RSRC1: variants seen among roughly 807,000 people sequenced by gnomAD.
RSRC1 encodes arginine and serine rich coiled-coil 1.
RSRC1 carries 39 observed loss-of-function variants against 49.1 expected under a neutral mutation model. The observed-to-expected ratio is 0.79, with a 90% CI of 0.61 to 1.04. RSRC1 has a LOEUF of 1.04. Among genes scored for constraint, RSRC1 ranks in the 50% least tolerant of loss-of-function variants. The pLI is 0.00. For synonymous variants in RSRC1, 143 were observed against 130.8 expected (o/e 1.09, Z -0.63); for missense variants, 388 against 402.4 (o/e 0.96, Z 0.31).
intron 3 of RSRC1, among the ~76,000 whole-genome samples, chr3:158,164,451 T>C (rs1191028311): frequency 6.6e-6 from 1 of 152,118 alleles, no homozygotes. Context: ...TATACACTTA[T>C]TTAAACATCT....
chr3:158,313,449 A>G (rs1358770046), intron 5 of RSRC1, among the ~76,000 whole-genome samples: 1 of 152,162 alleles, frequency 6.6e-6, no homozygotes, highest in Non-Finnish European at 1.5e-5. Context: ...TTCAGATTTG[A>G]GCAGATATTT....
At chr3:158,506,711 A>G (rs898384808) in intron 7 of RSRC1, among the ~76,000 whole-genome samples, 1 of 151,772 alleles carries the variant, frequency 6.6e-6, no homozygotes, top group African/African-American at 2.4e-5. Flanking sequence ...GGAAACCCAC[A>G]TACACTGTTG....
At chr3:158,507,233 G>A (rs1214923532) in intron 7 of RSRC1, among the ~76,000 whole-genome samples, 2 of 152,088 alleles carry the variant, frequency 1.3e-5, no homozygotes, top group Non-Finnish European at 2.9e-5. Context: ...GTTACCAGAG[G>A]CTGAGAACAG....
chr3:158,133,192 G>A (rs190485087), intron 3 of RSRC1, among the ~76,000 whole-genome samples: 1 of 152,172 alleles, frequency 6.6e-6, no homozygotes, highest in Admixed American at 6.5e-5. Flanking sequence ...TTAAATTGGG[G>A]ATCACTTTAA....
intron 6 of RSRC1, among the ~76,000 whole-genome samples, chr3:158,444,778 C>A (rs536711463): frequency 7.2e-4 from 109 of 152,168 alleles, no homozygotes; most frequent in Admixed American, 9.2e-4. Flanking sequence ...GGCTAATATC[C>A]AGAATCTACA....
chr3:158,412,234 G>A (rs1734501063), intron 6 of RSRC1, among the ~76,000 whole-genome samples: 1 of 152,118 alleles, frequency 6.6e-6, no homozygotes, highest in South Asian at 2.1e-4. Flanking sequence ...GAGAGAGAAG[G>A]AGAAAACTAG....
chr3:158,477,798 T>TATATATATATATATATATATATATATA (rs1738432613), intron 7 of RSRC1, among the ~76,000 whole-genome samples: 4 of 89,766 alleles, frequency 4.5e-5, no homozygotes, highest in African/African-American at 1.8e-4. Flanking sequence ...CGGGAGGGAT[T>TATATATATATATATATATATATATATA]TATATATATA....
intron 3 of RSRC1, among the ~76,000 whole-genome samples, chr3:158,198,389 G>A (rs1720784612): frequency 1.3e-5 from 2 of 152,024 alleles, no homozygotes; most frequent in Admixed American, 1.3e-4. Flanking sequence ...GTGTATCTCT[G>A]CATGTGAGAT....
At chr3:158,319,534 T>G (rs2108162862) in intron 5 of RSRC1, among the ~76,000 whole-genome samples, 1 of 152,332 alleles carries the variant, frequency 6.6e-6, no homozygotes, top group Admixed American at 6.5e-5. Context: ...TATGTGAATC[T>G]AACACAATTT....
intron 7 of RSRC1, chr3:158,469,351 A>G (rs1330101706): frequency 2.2e-6 from 1 of 450,970 alleles, no homozygotes; most frequent in Non-Finnish European, 4.5e-6. Context: ...TAGAAATGCT[A>G]CTAAAAGAGT....
intron 4 of RSRC1, among the ~76,000 whole-genome samples, chr3:158,214,019 AC>A (rs1307529146): frequency 6.7e-6 from 1 of 149,688 alleles, no homozygotes; most frequent in Non-Finnish European, 1.5e-5. Flanking sequence ...GTGGGAAAAA[AC>A]AATAAAAATA....
intron 7 of RSRC1, among the ~76,000 whole-genome samples, chr3:158,463,085 G>A (rs1042752883): frequency 2.0e-5 from 3 of 152,008 alleles, no homozygotes; most frequent in Non-Finnish European, 2.9e-5. Context: ...TTCATGCTAA[G>A]TAGCTTATTT....
In RSRC1 at chr3:158,114,618, C is replaced by T. The variant is rs1460297297; in HGVS notation, c.-3+4395C>T. On this transcript the variant is annotated intron_variant, in intron 1 of 9. Coordinates refer to ENST00000611884, the MANE Select transcript of RSRC1 (RefSeq NM_001271838.2). ...TATTGCCATTTTCACGATATTGATT[C>T]TTCCTATCTGTGAGCATGGAACGTT... Among the ~76,000 whole-genome samples the T allele has an allele frequency of 2.6e-5, 4 of 152,082 alleles. No individual in the cohort carries two copies. In the East Asian group the frequency reaches 7.7e-4, roughly 29 times the overall value.
Position 158,254,692 on chromosome 3 carries a change from A to T in RSRC1, c.495-43347A>T, listed in dbSNP as rs1578248615. Among the ~76,000 whole-genome samples, 6 of 152,212 alleles carry T rather than the reference A, an allele frequency of 3.9e-5. 1 individual carries two copies. The Middle Eastern group carries it at 0.014, about 345-fold the overall frequency. Reference sequence around the variant, plus strand: ...CATGATCCACCCACCTCGGCCTCTCAAAGTGCTGGGATTACAGGTGTGAGT... The same window carrying T: ...CATGATCCACCCACCTCGGCCTCTCTAAGTGCTGGGATTACAGGTGTGAGT... On this transcript the variant is annotated intron_variant, in intron 4 of 9. Transcript: ENST00000611884.
chr3:158,212,083 C>T, intron 4 of RSRC1, among the ~76,000 whole-genome samples: 1 of 151,678 alleles, frequency 6.6e-6, no homozygotes, highest in East Asian at 1.9e-4. Flanking sequence ...TGTATTTGTA[C>T]CTAATCTGAA....
intron 3 of RSRC1, among the ~76,000 whole-genome samples, chr3:158,155,363 C>T (rs1717796827): frequency 6.6e-6 from 1 of 152,140 alleles, no homozygotes; most frequent in Admixed American, 6.6e-5. Context: ...GACATGGAAA[C>T]AATATTAATC....
intron 6 of RSRC1, among the ~76,000 whole-genome samples, chr3:158,434,454 G>T (rs1735936763): frequency 1.3e-5 from 2 of 151,854 alleles, no homozygotes; most frequent in South Asian, 4.1e-4. Context: ...TTATTATAAA[G>T]GAATTATATT....
intron 3 of RSRC1, among the ~76,000 whole-genome samples, chr3:158,156,886 GACTA>G (rs1717908882): frequency 6.6e-6 from 1 of 152,202 alleles, no homozygotes; most frequent in African/African-American, 2.4e-5. Flanking sequence ...AGTATTGTGA[GACTA>G]ACCAAAATGT....
chr3:158,364,958 A>T (rs1237495574), intron 6 of RSRC1, among the ~76,000 whole-genome samples: 1 of 151,862 alleles, frequency 6.6e-6, no homozygotes, highest in Non-Finnish European at 1.5e-5. Flanking sequence ...AAATAATTTA[A>T]TAAAGTCTTT....
Sources: allele counts gnomAD v4.1 joint callset (sites outside exome capture counted in the v4.1 genomes callset), GRCh38; gene constraint gnomAD v4.1.1; transcripts MANE v1.5; gene names NCBI Gene and HGNC (gene_info 2026-07-23, HGNC 2026-07-21).